TFCP2: variants seen among roughly 807,000 people sequenced by gnomAD.
The protein encoded by TFCP2 is transcription factor CP2, also known as alpha-globin transcription factor CP2.
TFCP2 carries 33 observed loss-of-function variants against 73.4 expected under a neutral mutation model. That is an observed-to-expected ratio of 0.45 (90% CI 0.34 to 0.60). The LOEUF is 0.60. Among genes scored for constraint, TFCP2 ranks in the 20% least tolerant of loss-of-function variants. The probability of loss-of-function intolerance (pLI) is 0.01; values close to 1 mark genes in which losing one functional copy is unlikely to be tolerated. For synonymous variants in TFCP2, 193 were observed against 211.6 expected (o/e 0.91, Z 0.76); for missense variants, 352 against 604.0 (o/e 0.58, Z 4.37).
At chr12:51,141,735 A>G (rs1592822829) in intron 1 of TFCP2, among the ~76,000 whole-genome samples, 1 of 150,278 alleles carries the variant, frequency 6.7e-6, no homozygotes, top group South Asian at 2.1e-4. Context: ...ACTCATCTCT[A>G]CTAAAAATAC....
intron 6 of TFCP2, among the ~76,000 whole-genome samples, chr12:51,107,612 T>C (rs144503332): frequency 2.0e-4 from 31 of 152,104 alleles, no homozygotes; most frequent in Non-Finnish European, 4.3e-4. Flanking sequence ...AAACATTTCT[T>C]TCTTTTTTTT....
At chr12:51,103,619 T>C (rs777380285) in intron 10 of TFCP2, 51 bp downstream of exon 10, 2 of 1,497,564 alleles carry the variant, frequency 1.3e-6, no homozygotes, top group Admixed American at 1.7e-5. Context: ...GGCCCTAGAA[T>C]GCAAAGGAAA....
chr12:51,114,751 G>T (rs1940480407), intron 4 of TFCP2, among the ~76,000 whole-genome samples: 1 of 151,764 alleles, frequency 6.6e-6, no homozygotes, highest in Non-Finnish European at 1.5e-5. Context: ...CAACCATCAG[G>T]ATGGATATTA....
At chr12:51,146,307 C>CA (rs953446941) in intron 1 of TFCP2, among the ~76,000 whole-genome samples, 13 of 146,254 alleles carry the variant, frequency 8.9e-5, no homozygotes, top group East Asian at 4.0e-4. Context: ...GATCCTATCT[C>CA]AAAAAAAAAA....
intron 10 of TFCP2, 115 bp downstream of exon 10, chr12:51,103,555 C>A: frequency 1.5e-6 from 1 of 648,486 alleles, no homozygotes; most frequent in Non-Finnish European, 2.6e-6. Context: ...CAGAAAAATG[C>A]AGTAAGATCT....
At chr12:51,163,778 C>T (rs1270160385) in intron 1 of TFCP2, among the ~76,000 whole-genome samples, 1 of 150,902 alleles carries the variant, frequency 6.6e-6, no homozygotes, top group Non-Finnish European at 1.5e-5. Flanking sequence ...AAAATAAAAA[C>T]AGAGATAAAA....
At chr12:51,095,846 A>C in intron 14 of TFCP2, 143 bp downstream of exon 14, 1 of 551,372 alleles carries the variant, frequency 1.8e-6, no homozygotes, top group Admixed American at 3.6e-5. Context: ...GCCAACTTAA[A>C]AAAAGGAACA....
chr12:51,099,396 T>C (rs1050597505), intron 12 of TFCP2, among the ~76,000 whole-genome samples: 23 of 151,818 alleles, frequency 1.5e-4, no homozygotes, highest in African/African-American at 4.4e-4. Context: ...GAGAATCACT[T>C]GAGCCCAGGT....
chr12:51,171,538 C>T (rs1344133057), intron 1 of TFCP2, among the ~76,000 whole-genome samples: 1 of 152,098 alleles, frequency 6.6e-6, no homozygotes, highest in Admixed American at 6.5e-5. Flanking sequence ...CCACCACACC[C>T]GGCTAATTTT....
Position 51,094,665 on chromosome 12 carries a change from T to C in TFCP2, c.*576A>G, listed in dbSNP as rs1566195060. On this transcript the variant is annotated 3_prime_UTR_variant, in exon 15 of 15. Coordinates refer to ENST00000257915, the MANE Select transcript of TFCP2 (RefSeq NM_005653.5). ...TGGTCATTCAAAAAATTTATCACAC[T>C]GCCTGGTCAATAAATGTTAGCTGAA... The C allele has an allele frequency of 6.6e-6, 1 of 152,670 alleles. No individual in the cohort carries two copies. 9.5% of individuals were successfully genotyped at this position (152,670 alleles called of 1,614,324 possible).
chr12:51,168,859 T>C (rs973383533), intron 1 of TFCP2, among the ~76,000 whole-genome samples: 1 of 151,958 alleles, frequency 6.6e-6, no homozygotes, highest in Non-Finnish European at 1.5e-5. Context: ...TGTAGTGCAG[T>C]GGCACAGTCT....
intron 1 of TFCP2, among the ~76,000 whole-genome samples, chr12:51,160,429 C>A (rs1387420910): frequency 6.6e-6 from 1 of 152,066 alleles, no homozygotes; most frequent in African/African-American, 2.4e-5. Context: ...GCCACCGCGC[C>A]CAGCTGTGAA....
At chr12:51,099,923 G>C in intron 11 of TFCP2, 144 bp from the exon 12 acceptor site, 1 of 985,994 alleles carries the variant, frequency 1.0e-6, no homozygotes, top group Non-Finnish European at 1.4e-6. Flanking sequence ...AATTTGCTAT[G>C]TTTTATTAGT....
intron 1 of TFCP2, among the ~76,000 whole-genome samples, chr12:51,128,546 T>G (rs903306405): frequency 1.3e-5 from 2 of 152,010 alleles, no homozygotes; most frequent in African/African-American, 4.8e-5. Context: ...CAAACTCCAT[T>G]TTCCTTTTTT....
At chr12:51,111,068 T>C in intron 4 of TFCP2, 85 bp from the exon 5 acceptor site, 1 of 919,124 alleles carries the variant, frequency 1.1e-6, no homozygotes, top group South Asian at 1.4e-5. Context: ...TATTACTCAA[T>C]GTAGCTACCA....
chr12:51,106,015 A>C (rs942031378), intron 8 of TFCP2, among the ~76,000 whole-genome samples: 6 of 152,262 alleles, frequency 3.9e-5, no homozygotes, highest in Non-Finnish European at 8.8e-5. Flanking sequence ...TATCCCATAA[A>C]TAATTCCAAA....
At chr12:51,136,920 GGAC>G (rs1184034284) in intron 1 of TFCP2, among the ~76,000 whole-genome samples, 1 of 152,100 alleles carries the variant, frequency 6.6e-6, no homozygotes, top group Non-Finnish European at 1.5e-5. Context: ...ATTTCAGCCC[GGAC>G]GACAGAGGAG....
chr12:51,095,741 G>A (rs774258462), intron 14 of TFCP2, among the ~76,000 whole-genome samples: 2 of 140,290 alleles, frequency 1.4e-5, no homozygotes, highest in Non-Finnish European at 3.0e-5. Context: ...TTGAACTTGG[G>A]AAGCGAAGGT....
chr12:51,153,356 A>T (rs1392584033), intron 1 of TFCP2, among the ~76,000 whole-genome samples: 2 of 151,776 alleles, frequency 1.3e-5, no homozygotes, highest in Non-Finnish European at 2.9e-5. Flanking sequence ...AGCCTGGGTG[A>T]CAGAGCAAGA....
Sources: allele counts gnomAD v4.1 joint callset (sites outside exome capture counted in the v4.1 genomes callset), GRCh38; gene constraint gnomAD v4.1.1; transcripts MANE v1.5; gene names NCBI Gene and HGNC (gene_info 2026-07-23, HGNC 2026-07-21).